Variants in COL27A1 observed in about 807,000 individuals in gnomAD.
The protein encoded by COL27A1 is collagen type XXVII alpha 1 chain, also known as collagen alpha-1(XXVII) chain.
A neutral mutation model predicts 251.3 loss-of-function variants in COL27A1; 106 were observed. The observed-to-expected ratio is 0.42, with a 90% CI of 0.36 to 0.50. COL27A1 has a LOEUF of 0.50. Ranked by LOEUF, COL27A1 falls within the 20% of genes least tolerant of loss-of-function variation. The probability of loss-of-function intolerance (pLI) is 0.00; values close to 1 mark genes in which losing one functional copy is unlikely to be tolerated. For missense variants in COL27A1, 2,325 were observed against 2,522.8 expected (o/e 0.92, Z 1.68); for synonymous variants, 1,000 against 986.3 (o/e 1.01, Z -0.26).
intron 57 of COL27A1, among the ~76,000 whole-genome samples, 186 bp downstream of exon 57, chr9:114,304,859 G>C (rs191298826): frequency 6.6e-6 from 1 of 152,316 alleles, no homozygotes; most frequent in East Asian, 1.9e-4. Flanking sequence ...GTGAGTCCAA[G>C]GTCCCATGGC....
At chr9:114,245,759 G>A in intron 23 of COL27A1, 107 bp from the exon 24 acceptor site, 1 of 1,025,516 alleles carries the variant, frequency 9.8e-7, no homozygotes. Flanking sequence ...AAGATCCCTG[G>A]TTCATCCCCA....
chr9:114,250,689 A>C (rs893329032), intron 25 of COL27A1, 21 bp downstream of exon 25: 1 of 1,607,556 alleles, frequency 6.2e-7, no homozygotes, highest in Admixed American at 1.7e-5. Flanking sequence ...TTGAGGGGAA[A>C]AGATAAACAA....
intron 3 of COL27A1, 127 bp from the exon 4 acceptor site, chr9:114,178,164 G>A (rs1440407631): frequency 1.9e-5 from 14 of 740,930 alleles, no homozygotes; most frequent in Non-Finnish European, 3.1e-5. Context: ...GACCTCAGGG[G>A]ACTCCTCCTC....
Position 114,240,494 on chromosome 9 carries a change from C to A in COL27A1, c.2835+7C>A. ...TGGGCAGCTGGGGCCCGAGGTGAGA[C>A]TGTCTGGCCCCCTCCACTGCCCATC... is the stretch of plus-strand genomic sequence containing the variant. On this transcript the variant is annotated splice_region_variant and intron_variant, in intron 21 of 60. Transcript: ENST00000356083. The A allele has an allele frequency of 1.2e-6, 2 of 1,607,710 alleles. No homozygotes were observed. Among genetic ancestry groups the A allele is most frequent in the Non-Finnish European group, 1.7e-6 (2 of 1,179,234 alleles).
rs560469345 is a variant in COL27A1 at position 114,169,171 on chromosome 9, C to T, written c.1616C>T (p.Ser539Leu). The change falls in exon 3 of 61, where the codon TCG (serine) becomes TTG (leucine). Residue 539 changes from serine to leucine, a missense_variant. By Grantham distance (145) the Ser-to-Leu change is moderately radical. Around this residue, in one of 4 missense-constraint regions of COL27A1, gnomAD observed 1,183 missense variants for 1,144.1 expected, o/e 1.03. Coordinates refer to ENST00000356083, the MANE Select transcript of COL27A1 (RefSeq NM_032888.4). ...APTGSKKPIG[S>L]EASKKAGPKS... is the part of the protein sequence containing the mutation. Reference sequence around the variant, plus strand: ...ACTGGAAGCAAGAAGCCCATTGGATCGGAAGCCTCAAAGAAAGCCGGACCC... The same window carrying T: ...ACTGGAAGCAAGAAGCCCATTGGATTGGAAGCCTCAAAGAAAGCCGGACCC... 2.3e-5 allele frequency: 37 copies of T among 1,614,092 alleles called. No individual in the cohort carries two copies. In the South Asian group the frequency reaches 2.9e-4, roughly 12 times the overall value.
At chr9:114,205,925 G>C in intron 9 of COL27A1, 113 bp downstream of exon 9, 1 of 966,298 alleles carries the variant, frequency 1.0e-6, no homozygotes, top group South Asian at 1.6e-5. Context: ...GCACCTGCTG[G>C]GTGGACCCTA....
At position 114,290,299 on chromosome 9, in the gene COL27A1, C is replaced by T; in HGVS notation, c.4336C>T (p.Leu1446Phe). The T allele has an allele frequency of 6.3e-7, 1 of 1,583,546 alleles. No individual in the cohort carries two copies. ...GLEGIAGPDG[L>F]PGRDGQAGQQ... ...CGAGGGCATCGCTGGACCAGATGGG[C>T]TTCCTGGCAGGGACGGGCAAGCAGG... The change falls in exon 47 of 61, where the codon CTT (leucine) becomes TTT (phenylalanine). Residue 1446 changes from leucine to phenylalanine, a missense_variant. By Grantham distance (22) the Leu-to-Phe change is conservative. Around this residue, in one of 4 missense-constraint regions of COL27A1, gnomAD observed 153 missense variants for 140.7 expected, o/e 1.09. Coordinates refer to ENST00000356083, the MANE Select transcript of COL27A1 (RefSeq NM_032888.4). The surrounding 1 kb of genome is among the most constrained non-coding windows in gnomAD (Gnocchi z 4.6).
chr9:114,239,209 G>A (rs1832595834), intron 19 of COL27A1, among the ~76,000 whole-genome samples: 1 of 152,332 alleles, frequency 6.6e-6, no homozygotes, highest in African/African-American at 2.4e-5. Flanking sequence ...TCATCAGTGG[G>A]TTATATGCAA....
intron 16 of COL27A1, among the ~76,000 whole-genome samples, 172 bp from the exon 17 acceptor site, chr9:114,235,427 C>T (rs376622886): frequency 1.3e-5 from 2 of 152,194 alleles, no homozygotes; most frequent in South Asian, 2.1e-4. Flanking sequence ...CCCCCGCCAC[C>T]GCCTGCTTTC....
intron 18 of COL27A1, 60 bp from the exon 19 acceptor site, chr9:114,237,602 G>C: frequency 7.2e-7 from 1 of 1,387,148 alleles, no homozygotes; most frequent in Non-Finnish European, 1.0e-6. Flanking sequence ...GGGAACGCAG[G>C]GGGTTCATGG....
rs1831517390 is a variant in COL27A1 at position 114,227,047 on chromosome 9, C to T, written c.2467-4032C>T. ...CAATGCCAGTGGCGGGCATGGCACT[C>T]CGGGTATAGGAAACAGCTTGAGCCA... is the stretch of plus-strand genomic sequence containing the variant. On this transcript the variant is annotated intron_variant, in intron 14 of 60. Transcript: ENST00000356083. 1.3e-5 allele frequency among the ~76,000 whole-genome samples: 2 copies of T among 152,132 alleles called. 1 individual carries two copies. The highest frequency in any genetic ancestry group is 4.1e-4 in the South Asian group (2 of 4,826).
chr9:114,301,629 A>G, intron 54 of COL27A1, 53 bp from the exon 55 acceptor site: 2 of 1,557,824 alleles, frequency 1.3e-6, no homozygotes, highest in Non-Finnish European at 1.7e-6. Context: ...TGGGTTGGGG[A>G]GAGATGAAGA....
upstream of COL27A1, among the ~76,000 whole-genome samples, chr9:114,154,691 G>T (rs1217458892): frequency 6.6e-6 from 1 of 152,180 alleles, no homozygotes; most frequent in African/African-American, 2.4e-5. This position sits in a 1 kb window ranked among gnomAD's most constrained non-coding sequence, Gnocchi z 5.8. Context: ...TGCGTTTCGT[G>T]TGAACCTAGG....
intron 12 of COL27A1, among the ~76,000 whole-genome samples, chr9:114,214,084 T>A (rs962691556): frequency 6.6e-6 from 1 of 152,158 alleles, no homozygotes; most frequent in African/African-American, 2.4e-5. Flanking sequence ...GGACTTCACA[T>A]CGGCTGAGTC....
At chr9:114,235,762 CG>C in intron 17 of COL27A1, 110 bp downstream of exon 17, 1 of 792,130 alleles carries the variant, frequency 1.3e-6, no homozygotes, top group East Asian at 2.5e-5. Context: ...ACCTGTAAGA[CG>C]GCTGCCCTCG....
At chr9:114,292,013 C>A in intron 48 of COL27A1, 90 bp from the exon 49 acceptor site, 1 of 1,128,396 alleles carries the variant, frequency 8.9e-7, no homozygotes, top group Non-Finnish European at 1.3e-6. Context: ...TGTGGAATCA[C>A]TGTTCTGGCT....
chr9:114,164,656 C>T (rs1848708546), intron 2 of COL27A1, among the ~76,000 whole-genome samples: 1 of 152,216 alleles, frequency 6.6e-6, no homozygotes. Context: ...AAGTGGCTTC[C>T]TGCCCTTACC....
chr9:114,261,168 G>C (rs1834304819), intron 28 of COL27A1, among the ~76,000 whole-genome samples: 1 of 152,180 alleles, frequency 6.6e-6, no homozygotes, highest in South Asian at 2.1e-4. Context: ...ATTCCCGCTT[G>C]TTCATCGGCC....
At chr9:114,226,790 T>C (rs1831502219) in intron 14 of COL27A1, among the ~76,000 whole-genome samples, 2 of 152,246 alleles carry the variant, frequency 1.3e-5, no homozygotes, top group African/African-American at 4.8e-5. Flanking sequence ...AGCTGTGCCC[T>C]GTGCTAGGCA....
Sources: allele counts gnomAD v4.1 joint callset (sites outside exome capture counted in the v4.1 genomes callset), GRCh38; gene constraint gnomAD v4.1.1; regional missense constraint gnomAD v4.1.1; non-coding constraint Gnocchi (gnomAD v3.1); transcripts MANE v1.5; gene names NCBI Gene and HGNC (gene_info 2026-07-23, HGNC 2026-07-21).